Variants in AKAP9 observed in about 807,000 individuals in gnomAD.
AKAP9 encodes the protein A-kinase anchor protein 9.
A neutral mutation model predicts 488.5 loss-of-function variants in AKAP9; 311 were observed. The ratio of observed to expected loss-of-function variants is 0.64; its 90% CI spans 0.58 to 0.70. The LOEUF (loss-of-function observed/expected upper bound fraction) is 0.70, where lower values mean the gene tolerates loss of function less well. AKAP9 is among the 30% of genes least tolerant of loss of function. The pLI is 0.00. For synonymous variants in AKAP9, 1,462 were observed against 1,483.5 expected (o/e 0.99, Z 0.33); for missense variants, 4,215 against 4,374.5 (o/e 0.96, Z 1.03).
chr7:92,028,921 T>G (rs1803768404), intron 14 of AKAP9, among the ~76,000 whole-genome samples: 1 of 152,150 alleles, frequency 6.6e-6, no homozygotes, highest in Non-Finnish European at 1.5e-5. Flanking sequence ...TGGCCATCAT[T>G]AGGGGTTTAG....
intron 25 of AKAP9, 23 bp from the exon 26 acceptor site, chr7:92,066,404 T>G (rs1810772463): frequency 1.2e-6 from 2 of 1,611,680 alleles, no homozygotes; most frequent in Admixed American, 1.7e-5. Flanking sequence ...TCAGCTACTA[T>G]CATTATTGTC....
chr7:92,073,853 A>T (rs192757489), intron 28 of AKAP9, among the ~76,000 whole-genome samples: 194 of 152,306 alleles, frequency 1.3e-3, no homozygotes, highest in African/African-American at 4.3e-3. Flanking sequence ...TTGTTAAAAC[A>T]CAAGTCTTAC....
chr7:91,971,761 G>T (rs368664729), intron 1 of AKAP9, among the ~76,000 whole-genome samples: 9 of 151,314 alleles, frequency 5.9e-5, no homozygotes, highest in African/African-American at 1.9e-4. Context: ...AGTAGAGACA[G>T]GGTTTCACTG....
intron 44 of AKAP9, chr7:92,100,120 C>T: frequency 2.5e-6 from 1 of 394,920 alleles, no homozygotes; most frequent in Non-Finnish European, 4.7e-6. Context: ...CCACATCCAC[C>T]TTATACCTGA....
Position 91,973,816 on chromosome 7 carries a change from C to T in AKAP9, c.154C>T (p.His52Tyr). 1 of 1,613,990 alleles carries T rather than the reference C, an allele frequency of 6.2e-7. No homozygotes were observed. The highest frequency in any genetic ancestry group is 8.5e-7 in the Non-Finnish European group (1 of 1,180,000). ...AAGCAGTAAACATGATGTGTCAGCA[C>T]ACCATGATTTGAATATTGATCAATC... The part of the protein sequence containing the change: ...TSSSKHDVSA[H>Y]HDLNIDQSQC... Residue 52 changes from histidine to tyrosine, a missense_variant, in exon 2 of 50, where the codon CAC (histidine) becomes TAC (tyrosine). Physicochemically the swap from His to Tyr is moderately conservative, Grantham distance 83. Around this residue, in one of 5 missense-constraint regions of AKAP9, gnomAD observed 2,361 missense variants for 2,430.0 expected, o/e 0.97. Transcript: ENST00000356239.
At chr7:91,971,886 G>A (rs1795123172) in intron 1 of AKAP9, among the ~76,000 whole-genome samples, 1 of 151,066 alleles carries the variant, frequency 6.6e-6, no homozygotes, top group African/African-American at 2.4e-5. Flanking sequence ...ATTTCTTAAA[G>A]TGAAGATTTT....
intron 1 of AKAP9, among the ~76,000 whole-genome samples, chr7:91,966,196 CTT>C (rs1056834532): frequency 1.3e-5 from 2 of 152,084 alleles, no homozygotes; most frequent in African/African-American, 4.8e-5. Context: ...TCTTCTGAAA[CTT>C]TTTAGCCTGG....
intron 20 of AKAP9, 121 bp downstream of exon 20, chr7:92,042,892 T>C (rs1017618319): frequency 1.1e-5 from 8 of 700,768 alleles, no homozygotes; most frequent in Non-Finnish European, 1.8e-5. Context: ...CATCATACCA[T>C]CTGTGTATGA....
intron 1 of AKAP9, among the ~76,000 whole-genome samples, chr7:91,966,123 C>G (rs1405831556): frequency 6.6e-6 from 1 of 152,126 alleles, no homozygotes; most frequent in Non-Finnish European, 1.5e-5. Context: ...AACTCTCAGG[C>G]TCAAGTGATC....
chr7:91,957,065 C>A (rs1793115194), intron 1 of AKAP9, among the ~76,000 whole-genome samples: 1 of 152,052 alleles, frequency 6.6e-6, no homozygotes, highest in Admixed American at 6.5e-5. Context: ...ATAACTACTT[C>A]CTGATTTACA....
chr7:92,057,957 A>G (rs189606076), intron 22 of AKAP9: 7 of 235,250 alleles, frequency 3.0e-5, no homozygotes, highest in African/African-American at 1.6e-4. Flanking sequence ...ATAGAGACCT[A>G]AGTTTTTTTA....
At chr7:92,011,555 A>G (rs1800743220) in intron 8 of AKAP9, among the ~76,000 whole-genome samples, 1 of 152,210 alleles carries the variant, frequency 6.6e-6, no homozygotes, top group South Asian at 2.1e-4. Flanking sequence ...AATACTCAAG[A>G]ATAATCAAGA....
Position 92,098,152 on chromosome 7 carries a change from C to T in AKAP9, c.10651C>T (p.Gln3551Ter), listed in dbSNP as rs921057432. ...AGATGATGAAGATTTCATTTGGGTT[C>T]AGGAAAATATTGATGAAATTATTTT... ...TADDEDFIWV[Q>*]ENIDEIILQL... is the part of the protein sequence containing the mutation. Residue 3551 changes from glutamine (Q) to a stop codon, truncating the protein, a stop_gained, in exon 43 of 50, where the codon CAG becomes TAG. Coordinates refer to ENST00000356239, the MANE Select transcript of AKAP9 (RefSeq NM_005751.5). LOFTEE classifies it high-confidence loss of function. 1.9e-6 allele frequency: 3 copies of T among 1,612,764 alleles called. No homozygotes were observed. Among genetic ancestry groups the T allele is most frequent in the Non-Finnish European group, 2.5e-6 (3 of 1,178,954 alleles).
At chr7:92,074,531 T>C (rs1357825851) in intron 28 of AKAP9, among the ~76,000 whole-genome samples, 2 of 152,238 alleles carry the variant, frequency 1.3e-5, no homozygotes, top group Admixed American at 1.3e-4. Flanking sequence ...CAAAGGATTA[T>C]AAATCATTCT....
chr7:92,090,064 C>T (rs1208952268), intron 38 of AKAP9: 1 of 152,604 alleles, frequency 6.6e-6, no homozygotes, highest in African/African-American at 2.4e-5. Context: ...TAGAGGTAAT[C>T]ATTGTTCTGA....
intron 1 of AKAP9, among the ~76,000 whole-genome samples, chr7:91,964,149 A>G (rs962887101): frequency 7.2e-5 from 11 of 152,196 alleles, no homozygotes; most frequent in African/African-American, 2.2e-4. Context: ...AGATACACCA[A>G]AGTTCTCAGT....
chr7:92,052,454 A>G (rs548842400), intron 21 of AKAP9, among the ~76,000 whole-genome samples: 23 of 145,350 alleles, frequency 1.6e-4, no homozygotes, highest in African/African-American at 2.8e-4. Flanking sequence ...GTTGAAAGGT[A>G]TCTTAGAAGT....
rs749383289 is a variant in AKAP9 at position 91,973,708 on chromosome 7, T to C, written c.49-3T>C. 5.6e-6 allele frequency: 9 copies of C among 1,613,724 alleles called. No individual in the cohort carries two copies. In the African/African-American group the frequency reaches 1.2e-4, roughly 22 times the overall value. On this transcript the variant is annotated splice_polypyrimidine_tract_variant and splice_region_variant and intron_variant, in intron 1 of 49. Transcript: ENST00000356239. ...CAATAACGGTTATTTTCTTTTTTCT[T>C]AGCTTGCCCAGTTTCGACAAAGAAA...
At position 92,077,738 on chromosome 7, in the gene AKAP9, G is replaced by A. The variant is rs1042630361; in HGVS notation, c.6808G>A (p.Ala2270Thr). ...GGGACTTGCCATAAAGGAATCTGAT[G>A]CCATGTCTACTCAAGACCAACATGT... Reference protein sequence around the residue: ...KLGLAIKESDAMSTQDQHVLF... With the variant: ...KLGLAIKESDTMSTQDQHVLF... The change falls in exon 30 of 50, where the codon GCC becomes ACC. Residue 2270 changes from alanine (A) to threonine (T), a missense_variant. Around this residue, in one of 5 missense-constraint regions of AKAP9, gnomAD observed 1,476 missense variants for 1,477.4 expected, o/e 1.00. Coordinates refer to ENST00000356239, the MANE Select transcript of AKAP9 (RefSeq NM_005751.5). 1.4e-5 allele frequency: 22 copies of A among 1,613,652 alleles called. No homozygotes were observed. The Admixed American group carries it at 2.2e-4, about 16-fold the overall frequency.
Sources: gnomAD v4.1 joint callset for allele counts (sites outside exome capture counted in the v4.1 genomes callset) on GRCh38, gnomAD v4.1.1 for gene constraint, gnomAD v4.1.1 regional missense constraint, MANE v1.5 for transcripts, NCBI Gene and HGNC (gene_info 2026-07-23, HGNC 2026-07-21) for gene names.